Variants in EMC2 observed in about 807,000 individuals in gnomAD.
EMC2 encodes TPR repeat protein 35.
Under a neutral mutation model 51.6 loss-of-function variants are expected in EMC2, and 37 were observed. That is an observed-to-expected ratio of 0.72 (90% CI 0.55 to 0.94). The LOEUF (loss-of-function observed/expected upper bound fraction) is 0.94. Among genes scored for constraint, EMC2 ranks in the 40% least tolerant of loss-of-function variants. The probability of loss-of-function intolerance (pLI) is 0.00; values close to 1 mark genes in which losing one functional copy is unlikely to be tolerated. For missense variants in EMC2, 359 were observed against 350.9 expected (o/e 1.02, Z -0.18); for synonymous variants, 131 against 112.4 (o/e 1.17, Z -1.04).
chr8:108,477,077 C>T (rs1278444710), intron 9 of EMC2, among the ~76,000 whole-genome samples, 185 bp downstream of exon 9: 1 of 151,890 alleles, frequency 6.6e-6, no homozygotes, highest in Non-Finnish European at 1.5e-5. Context: ...CACAGCCTAG[C>T]TGTTTGACAT....
chr8:108,444,211 C>A (rs1818822263), intron 1 of EMC2, among the ~76,000 whole-genome samples: 1 of 152,156 alleles, frequency 6.6e-6, no homozygotes, highest in South Asian at 2.1e-4. Context: ...ACCCGGGTTT[C>A]CAGTTTCTTT....
At chr8:108,446,031 T>C (rs1818870999) in intron 1 of EMC2, 2 of 152,912 alleles carry the variant, frequency 1.3e-5, no homozygotes, top group Non-Finnish European at 1.5e-5. Flanking sequence ...CTTTATCATA[T>C]GGTCTTTTAG....
At chr8:108,481,178 T>G (rs989258132) in intron 10 of EMC2, among the ~76,000 whole-genome samples, 2 of 152,110 alleles carry the variant, frequency 1.3e-5, no homozygotes, top group African/African-American at 4.8e-5. Flanking sequence ...TTATGTTGGT[T>G]TTGGTGCTGG....
intron 5 of EMC2, among the ~76,000 whole-genome samples, chr8:108,460,264 ACTT>A (rs1819284966): frequency 1.3e-5 from 2 of 152,206 alleles, no homozygotes; most frequent in African/African-American, 4.8e-5. Context: ...AAGTTATTTC[ACTT>A]CTTCAGACTA....
Position 108,446,349 on chromosome 8 carries a change from T to A in EMC2, c.40+2651T>A, listed in dbSNP as rs1047604751. On this transcript the variant is annotated intron_variant, in intron 1 of 10. Transcript: ENST00000220853. ...AGAATTTACATTGTAATGAAGTAAATCTTTAGAAATATCTGGTAGTAATTT... is the reference window on the plus strand; with the variant it reads ...AGAATTTACATTGTAATGAAGTAAAACTTTAGAAATATCTGGTAGTAATTT... 1.0e-5 allele frequency: 4 copies of A among 385,260 alleles called. No individual in the cohort carries two copies. In the East Asian group the frequency reaches 2.3e-4, roughly 22 times the overall value. The allele number at this position is 385,260 out of a possible 1,614,324, so 23.9% of individuals were successfully genotyped here.
Position 108,486,633 on chromosome 8 carries a change from C to T in EMC2, c.*35C>T, listed in dbSNP as rs771648550. 4 of 1,563,272 alleles carry T rather than the reference C, an allele frequency of 2.6e-6. No homozygotes were observed. Among genetic ancestry groups the T allele is most frequent in the Non-Finnish European group, 3.5e-6 (4 of 1,157,470 alleles). On this transcript the variant is annotated 3_prime_UTR_variant, in exon 11 of 11. Transcript: ENST00000220853. Reference sequence around the variant, plus strand: ...AACTCTTTGACATTAGATTTCACAACTGCACAATTGAACTTATTGGCCTGT... The same window carrying T: ...AACTCTTTGACATTAGATTTCACAATTGCACAATTGAACTTATTGGCCTGT...
chr8:108,480,460 G>A (rs756329644), intron 10 of EMC2, among the ~76,000 whole-genome samples: 19 of 151,966 alleles, frequency 1.3e-4, no homozygotes, highest in Admixed American at 2.0e-4. Flanking sequence ...TTGTATAGCC[G>A]GTCTTTCTTA....
At chr8:108,461,613 A>C (rs1819319976) in intron 5 of EMC2, among the ~76,000 whole-genome samples, 1 of 152,220 alleles carries the variant, frequency 6.6e-6, no homozygotes, top group Admixed American at 6.5e-5. Flanking sequence ...CTTAGGAAAG[A>C]AGGAATAAGG....
At position 108,475,876 on chromosome 8, in the gene EMC2, T is replaced by C. The variant is rs778536460; in HGVS notation, c.510-6T>C. On this transcript the variant is annotated splice_region_variant and splice_polypyrimidine_tract_variant and intron_variant, in intron 7 of 10. Transcript: ENST00000220853. ...AAATTAATTTCTCCTCTTGATGTGT[T>C]TTTAGCTATGCAAAAGCAGCCTTTT... 5 of 1,559,432 alleles carry C rather than the reference T, an allele frequency of 3.2e-6. No homozygotes were observed. The highest frequency in any genetic ancestry group is 1.8e-5 in the Admixed American group (1 of 56,418).
At chr8:108,464,850 A>G (rs1340705028) in intron 5 of EMC2, among the ~76,000 whole-genome samples, 1 of 152,182 alleles carries the variant, frequency 6.6e-6, no homozygotes, top group Non-Finnish European at 1.5e-5. Context: ...TTGAGAGGGT[A>G]TCTTGCTCCA....
At chr8:108,455,850 T>C in intron 4 of EMC2, 23 bp from the exon 5 acceptor site, 1 of 863,358 alleles carries the variant, frequency 1.2e-6, no homozygotes, top group Non-Finnish European at 1.8e-6. Flanking sequence ...TAATTGTAGA[T>C]GTTTCTTTTT....
At chr8:108,447,682 C>G (rs1271576924) in intron 1 of EMC2, among the ~76,000 whole-genome samples, 1 of 152,118 alleles carries the variant, frequency 6.6e-6, no homozygotes, top group Non-Finnish European at 1.5e-5. Context: ...ACAGAACAAT[C>G]ATAGCGACTC....
intron 10 of EMC2, among the ~76,000 whole-genome samples, chr8:108,483,631 A>G (rs1426113782): frequency 1.3e-5 from 2 of 152,192 alleles, no homozygotes; most frequent in Non-Finnish European, 2.9e-5. Flanking sequence ...AGCCCAAGCA[A>G]GGTATCTCAG....
At chr8:108,456,724 T>C (rs1007458393) in intron 5 of EMC2, among the ~76,000 whole-genome samples, 1 of 152,210 alleles carries the variant, frequency 6.6e-6, no homozygotes, top group African/African-American at 2.4e-5. Context: ...GTTTTTGATG[T>C]TGAGAACATT....
At position 108,488,049 on chromosome 8, in the gene EMC2, C is replaced by A. The variant is rs1811174344; in HGVS notation, c.*1451C>A. Among the ~76,000 whole-genome samples, 1 of 152,084 alleles carries A rather than the reference C, an allele frequency of 6.6e-6. No homozygotes were observed. Among genetic ancestry groups the A allele is most frequent in the Non-Finnish European group, 1.5e-5 (1 of 68,004 alleles). On this transcript the variant is annotated 3_prime_UTR_variant, in exon 11 of 11. Coordinates refer to ENST00000220853, the MANE Select transcript of EMC2 (RefSeq NM_014673.5). ...AAAATAGTGCCTGCACGTTGTTTCACTACCTTTTCCCCTTCAAACCTCCTC... is the reference window on the plus strand; with the variant it reads ...AAAATAGTGCCTGCACGTTGTTTCAATACCTTTTCCCCTTCAAACCTCCTC...
At chr8:108,484,687 T>C (rs1811103492) in intron 10 of EMC2, among the ~76,000 whole-genome samples, 1 of 151,938 alleles carries the variant, frequency 6.6e-6, no homozygotes, top group South Asian at 2.1e-4. Flanking sequence ...CCCATAAAAC[T>C]TTTTCTCAGA....
chr8:108,458,417 C>A (rs529613169), intron 5 of EMC2, among the ~76,000 whole-genome samples: 1 of 152,324 alleles, frequency 6.6e-6, no homozygotes, highest in East Asian at 1.9e-4. Context: ...CATGGTAGCC[C>A]CGCCCGTGCA....
At chr8:108,478,894 TAC>T (rs1366654377) in intron 9 of EMC2, 110 bp from the exon 10 acceptor site, 5 of 410,422 alleles carry the variant, frequency 1.2e-5, no homozygotes, top group East Asian at 3.6e-5. Context: ...ATTATTTTAA[TAC>T]AGTTTTTAAA....
chr8:108,456,348 GA>G lies in EMC2; in HGVS notation c.363+431del, dbSNP rs1212130981. Among the ~76,000 whole-genome samples the G allele has an allele frequency of 2.2e-3, 100 of 45,068 alleles. 1 individual carries two copies. Among genetic ancestry groups the G allele is most frequent in the South Asian group, 3.9e-3 (5 of 1,294 alleles). The allele number at this position is 45,068 out of a possible 152,430, so 29.6% of individuals were successfully genotyped here. ...ACTTCGTGTCAAAAAAAAAAAAAAA[GA>G]AAAAAAAAAAAACAACTTCTAGAAG... On this transcript the variant is annotated intron_variant, in intron 5 of 10. Coordinates refer to ENST00000220853, the MANE Select transcript of EMC2 (RefSeq NM_014673.5).
Sources: allele counts gnomAD v4.1 joint callset (sites outside exome capture counted in the v4.1 genomes callset), GRCh38; gene constraint gnomAD v4.1.1; transcripts MANE v1.5; gene names NCBI Gene and HGNC (gene_info 2026-07-23, HGNC 2026-07-21).